The following BCL7B variants were observed in gnomAD, a reference collection of about 807,000 sequenced individuals.
BCL7B encodes B-cell CLL/lymphoma 7 protein family member B.
A neutral mutation model predicts 26.5 loss-of-function variants in BCL7B; 11 were observed. The ratio of observed to expected loss-of-function variants is 0.42; its 90% CI spans 0.26 to 0.69. The LOEUF (loss-of-function observed/expected upper bound fraction) is 0.69, where lower values mean the gene tolerates loss of function less well. BCL7B is among the 30% of genes least tolerant of loss of function. BCL7B has a pLI of 0.28. For synonymous variants in BCL7B, 111 were observed against 107.9 expected (o/e 1.03, Z -0.18); for missense variants, 215 against 264.4 (o/e 0.81, Z 1.30).
intron 1 of BCL7B, 106 bp downstream of exon 1, chr7:73,557,381 C>T (rs1355312096): frequency 8.5e-7 from 1 of 1,181,644 alleles, no homozygotes; most frequent in Non-Finnish European, 1.1e-6. Context: ...CCCGCACCCC[C>T]CTCCCCCAGC....
chr7:73,547,666 C>A (rs1367850824), intron 2 of BCL7B, among the ~76,000 whole-genome samples: 1 of 152,106 alleles, frequency 6.6e-6, no homozygotes, highest in African/African-American at 2.4e-5. Context: ...AATTTTGAAC[C>A]TAGAATTTCA....
At chr7:73,551,948 G>T (rs1792189290) in intron 2 of BCL7B, among the ~76,000 whole-genome samples, 3 of 151,838 alleles carry the variant, frequency 2.0e-5, no homozygotes, top group Admixed American at 1.3e-4. Flanking sequence ...ACAAAAATCA[G>T]CTGGGTGTGG....
chr7:73,539,090 G>A (rs1484671560), intron 4 of BCL7B, among the ~76,000 whole-genome samples: 4 of 152,138 alleles, frequency 2.6e-5, no homozygotes, highest in Non-Finnish European at 5.9e-5. Context: ...CTCCCGAGTA[G>A]CTGGGATTAC....
chr7:73,552,844 T>C (rs1792228348), intron 1 of BCL7B, among the ~76,000 whole-genome samples: 1 of 152,140 alleles, frequency 6.6e-6, no homozygotes, highest in Non-Finnish European at 1.5e-5. Context: ...CAGCACCATA[T>C]TCTTTTTTAC....
chr7:73,556,287 G>A (rs1013844849), intron 1 of BCL7B, among the ~76,000 whole-genome samples: 9 of 152,144 alleles, frequency 5.9e-5, no homozygotes, highest in Non-Finnish European at 1.2e-4. Context: ...CTTAAAGGAG[G>A]TAAAGGGATG....
At chr7:73,544,024 G>C (rs1791868058) in intron 2 of BCL7B, 1 of 171,922 alleles carries the variant, frequency 5.8e-6, no homozygotes, top group African/African-American at 2.4e-5. Flanking sequence ...TAGCAGAGTG[G>C]GGAAAAAGTG....
chr7:73,554,886 C>G (rs1554584559), intron 1 of BCL7B, among the ~76,000 whole-genome samples: 2 of 151,110 alleles, frequency 1.3e-5, no homozygotes, highest in Admixed American at 6.6e-5. Flanking sequence ...TAGAAAATAA[C>G]TAAAATTAAT....
chr7:73,540,116 G>C, intron 3 of BCL7B, 64 bp from the exon 4 acceptor site: 2 of 1,548,426 alleles, frequency 1.3e-6, no homozygotes, highest in South Asian at 1.2e-5. Flanking sequence ...AGGAACTCTG[G>C]ACAGAGCCAA....
At chr7:73,554,761 G>A (rs1363824374) in intron 1 of BCL7B, among the ~76,000 whole-genome samples, 1 of 147,030 alleles carries the variant, frequency 6.8e-6, no homozygotes, top group African/African-American at 2.5e-5. Context: ...CCACGCCACT[G>A]CACTCCAGCC....
In BCL7B at chr7:73,557,478, G is replaced by A; in HGVS notation, c.92+9C>T. The stretch of plus-strand genomic sequence containing the variant: ...ACCCCCGCCAGCCCCCTAAGCTCCG[G>A]CCCCTCACCATTTCCGCACTTTCTC... On this transcript the variant is annotated intron_variant, in intron 1 of 5. Coordinates refer to ENST00000223368, the MANE Select transcript of BCL7B (RefSeq NM_001707.4). The A allele has an allele frequency of 7.1e-7, 1 of 1,407,694 alleles. No homozygotes were observed. The highest frequency in any genetic ancestry group is 9.4e-7 in the Non-Finnish European group (1 of 1,068,306). 87.2% of individuals were successfully genotyped at this position (1,407,694 alleles called of 1,614,324 possible). A position where few individuals can be genotyped will look rare whatever the true frequency, so the allele number is the denominator to read the frequency against.
intron 2 of BCL7B, among the ~76,000 whole-genome samples, chr7:73,548,740 G>A (rs1249653174): frequency 6.6e-6 from 1 of 152,062 alleles, no homozygotes; most frequent in Non-Finnish European, 1.5e-5. Context: ...AGACCAGCCT[G>A]ACCAACATGG....
At chr7:73,542,807 G>C (rs1583989303) in intron 3 of BCL7B, 1 of 412,966 alleles carries the variant, frequency 2.4e-6, no homozygotes, top group East Asian at 7.1e-5. Context: ...GTCTAGGCCA[G>C]GTGCAGTGGC....
At chr7:73,550,745 C>T (rs929230380) in intron 2 of BCL7B, among the ~76,000 whole-genome samples, 1 of 151,486 alleles carries the variant, frequency 6.6e-6, no homozygotes, top group African/African-American at 2.4e-5. Context: ...GCAAGCTCCG[C>T]CTCCTGGGTT....
chr7:73,550,887 GA>G (rs1554584040), intron 2 of BCL7B, among the ~76,000 whole-genome samples: 1 of 152,078 alleles, frequency 6.6e-6, no homozygotes, highest in Non-Finnish European at 1.5e-5. Context: ...TCGATCTCCT[GA>G]CCTCGTGATC....
At chr7:73,548,074 C>T (rs370711066) in intron 2 of BCL7B, among the ~76,000 whole-genome samples, 14 of 151,990 alleles carry the variant, frequency 9.2e-5, no homozygotes, top group South Asian at 4.1e-4. Context: ...GCCAAGATTA[C>T]GTCACTGCAC....
chr7:73,556,524 TG>T (rs1344708383), intron 1 of BCL7B, among the ~76,000 whole-genome samples: 31 of 152,190 alleles, frequency 2.0e-4, no homozygotes, highest in Admixed American at 2.0e-3. Context: ...ACAAAAGAGC[TG>T]ACGAAGTTGG....
chr7:73,554,704 G>A (rs534749144), intron 1 of BCL7B, among the ~76,000 whole-genome samples: 11 of 151,378 alleles, frequency 7.3e-5, no homozygotes, highest in Admixed American at 1.3e-4. Flanking sequence ...AGGCTGAGGC[G>A]GAAGAACTGC....
chr7:73,557,468 C>T lies in BCL7B; in HGVS notation c.92+19G>A. On this transcript the variant is annotated intron_variant, in intron 1 of 5. Transcript: ENST00000223368. ...TGGATCCGCGACCCCCGCCAGCCCC[C>T]TAAGCTCCGGCCCCTCACCATTTCC... The T allele has an allele frequency of 7.3e-7, 1 of 1,378,818 alleles. No homozygotes were observed. The highest frequency in any genetic ancestry group is 1.7e-5 in the South Asian group (1 of 58,988). 85.4% of individuals were successfully genotyped at this position (1,378,818 alleles called of 1,614,324 possible).
At chr7:73,547,425 T>G (rs1390370505) in intron 2 of BCL7B, among the ~76,000 whole-genome samples, 5 of 152,122 alleles carry the variant, frequency 3.3e-5, no homozygotes, top group Admixed American at 6.6e-5. Flanking sequence ...ATTGCACCAC[T>G]GTACTCCAGC....
Sources: allele counts gnomAD v4.1 joint callset (sites outside exome capture counted in the v4.1 genomes callset), GRCh38; gene constraint gnomAD v4.1.1; transcripts MANE v1.5; gene names NCBI Gene and HGNC (gene_info 2026-07-23, HGNC 2026-07-21).